Variants in HARBI1 observed in about 807,000 individuals in gnomAD.
HARBI1 encodes harbinger transposase derived 1.
In HARBI1, 15 loss-of-function variants were observed where a neutral mutation model predicts 25.3. The observed-to-expected ratio is 0.59, with a 90% CI of 0.40 to 0.91. The LOEUF is 0.91. Among genes scored for constraint, HARBI1 ranks in the 40% least tolerant of loss-of-function variants. HARBI1 has a pLI of 0.00. For missense variants in HARBI1, 396 were observed against 445.8 expected (o/e 0.89, Z 1.01); for synonymous variants, 168 against 160.5 (o/e 1.05, Z -0.35).
rs745401140 is a variant in HARBI1, at chr11:46,615,870, G to A, written c.368C>T (p.Ala123Val). 3 of 1,614,224 alleles carry A rather than the reference G, an allele frequency of 1.9e-6. No individual in the cohort carries two copies. Among genetic ancestry groups the A allele is most frequent in the Non-Finnish European group, 1.7e-6 (2 of 1,180,044 alleles). ...ERASQFIRFP[A>V]DEASIQALKD... ...CAGAGCCTGAATGGAGGCTTCATCAGCTGGAAAGCGAATGAACTGTGAGGC... is the reference window on the plus strand; with the variant it reads ...CAGAGCCTGAATGGAGGCTTCATCAACTGGAAAGCGAATGAACTGTGAGGC... The change falls in exon 2 of 3, where the codon GCT becomes GTT. Residue 123 changes from alanine (A) to valine (V), a missense_variant. Ala to Val is a moderately conservative substitution (Grantham distance 64). Transcript: ENST00000326737.
intron 2 of HARBI1, among the ~76,000 whole-genome samples, chr11:46,610,307 G>A (rs1203325302): frequency 6.6e-6 from 1 of 150,722 alleles, no homozygotes; most frequent in Non-Finnish European, 1.5e-5. Flanking sequence ...GTGACAGAGT[G>A]AGACCCTGTT....
chr11:46,607,424 CAG>C (rs903458137), intron 2 of HARBI1, among the ~76,000 whole-genome samples: 1 of 152,040 alleles, frequency 6.6e-6, no homozygotes, highest in Non-Finnish European at 1.5e-5. Flanking sequence ...ATTTCAGACT[CAG>C]AATACTAAAA....
chr11:46,610,737 GA>G (rs1284762206), intron 2 of HARBI1, among the ~76,000 whole-genome samples: 2 of 152,162 alleles, frequency 1.3e-5, no homozygotes. Context: ...TTTCTGTAGA[GA>G]GGGGCATCAG....
Position 46,616,026 on chromosome 11 carries a change from G to T in HARBI1, c.212C>A (p.Thr71Lys). 6.2e-7 allele frequency: 1 copy of T among 1,614,222 alleles called. No individual in the cohort carries two copies. Among genetic ancestry groups the T allele is most frequent in the Non-Finnish European group, 8.5e-7 (1 of 1,180,040 alleles). The change falls in exon 2 of 3, where the codon ACA (threonine) becomes AAA (lysine). Residue 71 changes from threonine (T) to lysine (K), a missense_variant. Coordinates refer to ENST00000326737, the MANE Select transcript of HARBI1 (RefSeq NM_173811.4). ...AAAACCCAATGCTGCAAGGACCTGT[G>T]TCTCTGGGCTAATAGCCCTGGATCG... ...TQRSRAISPE[T>K]QVLAALGFYT...
intron 2 of HARBI1, among the ~76,000 whole-genome samples, chr11:46,608,685 G>C (rs2045053215): frequency 1.3e-5 from 2 of 150,908 alleles, no homozygotes; most frequent in South Asian, 2.1e-4. Context: ...ACAGAATCTT[G>C]GTTCACTACA....
At position 46,615,668 on chromosome 11, in the gene HARBI1, C is replaced by T. The variant is rs1450378465; in HGVS notation, c.570G>A (p.Glu190=). The part of the protein sequence containing the change: ...CDIRGTLMTV[E]TNWPGSLQDC... ...CCTGTAGGCTGCCGGGCCAGTTTGT[C>T]TCCACGGTCATTAGTGTCCCTCTAA... is the stretch of plus-strand genomic sequence containing the variant. Residue 190 remains glutamate (E), a synonymous_variant, in exon 2 of 3, where the codon GAG becomes GAA. Transcript: ENST00000326737. 1.2e-6 allele frequency: 2 copies of T among 1,614,222 alleles called. No individual in the cohort carries two copies. The highest frequency in any genetic ancestry group is 8.5e-7 in the Non-Finnish European group (1 of 1,180,044).
chr11:46,617,761 A>G (rs539847018), upstream of HARBI1: 23 of 398,882 alleles, frequency 5.8e-5, no homozygotes, highest in South Asian at 6.4e-4. Context: ...TTAGGTGTCT[A>G]TCGGCGACGT....
At chr11:46,616,755 A>G in intron 1 of HARBI1, 2 of 985,720 alleles carry the variant, frequency 2.0e-6, no homozygotes, top group Non-Finnish European at 2.4e-6. Flanking sequence ...TCATTATCCA[A>G]AGACTTCTGG....
rs1933992781 is a variant in HARBI1, at chr11:46,615,812, T to C, written c.426A>G (p.Pro142=). The change falls in exon 2 of 3, where the codon CCA becomes CCG. Residue 142 remains proline (P), a synonymous_variant. Coordinates refer to ENST00000326737, the MANE Select transcript of HARBI1 (RefSeq NM_173811.4). ...TACAGTCAACCACCCCCATCACCCC[T>C]GGCATCCCTGCCAACCCATAGAATT... ...KDEFYGLAGM[P]GVMGVVDCIH... is the part of the protein sequence containing the mutation. 6.2e-7 allele frequency: 1 copy of C among 1,614,168 alleles called. No individual in the cohort carries two copies. Among genetic ancestry groups the C allele is most frequent in the South Asian group, 1.1e-5 (1 of 91,084 alleles).
At chr11:46,616,580 T>C (rs2045495162) in intron 1 of HARBI1, 199 bp from the exon 2 acceptor site, 6 of 1,048,302 alleles carry the variant, frequency 5.7e-6, no homozygotes, top group African/African-American at 1.7e-5. Flanking sequence ...AATTCAATCT[T>C]TGTGGCTCAT....
intron 2 of HARBI1, among the ~76,000 whole-genome samples, chr11:46,608,623 A>ATTT (rs775113474): frequency 1.4e-5 from 2 of 142,142 alleles, no homozygotes; most frequent in Admixed American, 7.1e-5. Flanking sequence ...TAAAAAAAAA[A>ATTT]TTTTTTTTTT....
chr11:46,612,667 TA>T (rs1236694060), intron 2 of HARBI1, among the ~76,000 whole-genome samples: 1 of 151,000 alleles, frequency 6.6e-6, no homozygotes, highest in Non-Finnish European at 1.5e-5. Flanking sequence ...AATGCAAAAA[TA>T]ATTTTTTTTT....
chr11:46,607,640 AG>A (rs2045006583), intron 2 of HARBI1, among the ~76,000 whole-genome samples: 1 of 152,196 alleles, frequency 6.6e-6, no homozygotes, highest in African/African-American at 2.4e-5. Context: ...TTATAAACCA[AG>A]CACTACTGGA....
chr11:46,603,626 C>T lies in HARBI1; in HGVS notation c.954G>A (p.Met318Ile). The T allele has an allele frequency of 1.2e-6, 2 of 1,614,200 alleles. No individual in the cohort carries two copies. The highest frequency in any genetic ancestry group is 1.1e-5 in the South Asian group (1 of 91,084). The part of the protein sequence containing the change: ...DVWSSPMTGP[M>I]EQPPEEEYEH... ...CATACTCCTCTTCCGGGGGCTGTTCCATGGGTCCTGTCATTGGAGAGGACC... is the reference window on the plus strand; with the variant it reads ...CATACTCCTCTTCCGGGGGCTGTTCTATGGGTCCTGTCATTGGAGAGGACC... The change falls in exon 3 of 3, where the codon ATG (methionine) becomes ATA (isoleucine). Residue 318 changes from methionine to isoleucine, a missense_variant. Met to Ile is a conservative substitution (Grantham distance 10). Coordinates refer to ENST00000326737, the MANE Select transcript of HARBI1 (RefSeq NM_173811.4).
chr11:46,616,831 C>CAAAAAAAAAAA (rs749013239), intron 1 of HARBI1: 6,290 of 603,346 alleles, frequency 0.01, 5 homozygotes, highest in Non-Finnish European at 0.011. Context: ...AAAGAAGGGG[C>CAAAAAAAAAAA]AAAAAAAAAA....
At chr11:46,615,520 C>T in intron 2 of HARBI1, 48 bp downstream of exon 2, 1 of 1,558,680 alleles carries the variant, frequency 6.4e-7, no homozygotes, top group Non-Finnish European at 8.8e-7. Flanking sequence ...GCCTACATAA[C>T]TTTTCTATGC....
intron 2 of HARBI1, among the ~76,000 whole-genome samples, chr11:46,609,204 C>G (rs1365302096): frequency 1.3e-5 from 2 of 151,784 alleles, no homozygotes; most frequent in Admixed American, 1.3e-4. Context: ...GATTTAGCAC[C>G]TGGCTAAAAT....
At chr11:46,604,555 A>G (rs905423072) in intron 2 of HARBI1, 2 of 985,266 alleles carry the variant, frequency 2.0e-6, no homozygotes, top group African/African-American at 1.7e-5. Context: ...TTCTGCCAAG[A>G]GATCCCAAAA....
Position 46,611,839 on chromosome 11 carries a change from C to G in HARBI1, c.670+3729G>C, listed in dbSNP as rs1317430782. Reference sequence around the variant, plus strand: ...CAATTGCAAAATCTACTTTCCCACACTTCTTGGTGTGAGTTGTATGAAAAT... The same window carrying G: ...CAATTGCAAAATCTACTTTCCCACAGTTCTTGGTGTGAGTTGTATGAAAAT... On this transcript the variant is annotated intron_variant, in intron 2 of 2. Coordinates refer to ENST00000326737, the MANE Select transcript of HARBI1 (RefSeq NM_173811.4). 2.6e-5 allele frequency among the ~76,000 whole-genome samples: 4 copies of G among 152,208 alleles called. No individual in the cohort carries two copies. In the South Asian group the frequency reaches 8.3e-4, roughly 32 times the overall value.
Sources: allele counts gnomAD v4.1 joint callset (sites outside exome capture counted in the v4.1 genomes callset), GRCh38; gene constraint gnomAD v4.1.1; transcripts MANE v1.5; gene names NCBI Gene and HGNC (gene_info 2026-07-23, HGNC 2026-07-21).